The following IL1RAPL1 variants were observed in gnomAD, a reference collection of about 807,000 sequenced individuals.
The protein encoded by IL1RAPL1 is interleukin 1 receptor accessory protein like 1.
IL1RAPL1 carries 3 observed loss-of-function variants against 48.4 expected under a neutral mutation model. The ratio of observed to expected loss-of-function variants is 0.06; its 90% CI spans 0.03 to 0.16. IL1RAPL1 has a LOEUF of 0.16. Ranked by LOEUF, IL1RAPL1 falls within the 10% of genes least tolerant of loss-of-function variation. The pLI, the probability that IL1RAPL1 is intolerant of heterozygous loss-of-function variation, is 1.00. For synonymous variants in IL1RAPL1, 185 were observed against 187.7 expected (o/e 0.99, Z 0.12); for missense variants, 349 against 530.6 (o/e 0.66, Z 3.36).
chrX:29,873,604 A>G (rs764946749), intron 6 of IL1RAPL1, among the ~76,000 whole-genome samples: 2 of 111,616 alleles, frequency 1.8e-5, no homozygotes, highest in Non-Finnish European at 3.8e-5. Context: ...CTGCTGTCAC[A>G]TTAATCTTGG....
chrX:28,889,679 T>G (rs1227445959), intron 2 of IL1RAPL1, among the ~76,000 whole-genome samples: 1 of 111,662 alleles, frequency 9.0e-6, no homozygotes, highest in Non-Finnish European at 1.9e-5. Flanking sequence ...ATAACTTCTT[T>G]AGGGCTTTCG....
At position 29,571,237 on chromosome X, in the gene IL1RAPL1, A is replaced by T. The variant is rs773579357; in HGVS notation, c.704-97193A>T. The stretch of plus-strand genomic sequence containing the variant: ...GACTCCGTCTCAAAATAATAATAAT[A>T]ATAATAATTTGTCTAAACAGAGTTC... On this transcript the variant is annotated intron_variant, in intron 5 of 10. Coordinates refer to ENST00000378993, the MANE Select transcript of IL1RAPL1 (RefSeq NM_014271.4). Among the ~76,000 whole-genome samples the T allele has an allele frequency of 1.2e-4, 13 of 110,748 alleles. No homozygotes were observed. In the East Asian group the frequency reaches 3.7e-3, roughly 32 times the overall value.
intron 6 of IL1RAPL1, among the ~76,000 whole-genome samples, chrX:29,684,017 TA>T (rs1474169264): frequency 8.9e-6 from 1 of 112,136 alleles, no homozygotes; most frequent in Admixed American, 9.5e-5. Flanking sequence ...GGATTGTTTG[TA>T]ACTCAAAGGA....
intron 5 of IL1RAPL1, among the ~76,000 whole-genome samples, chrX:29,603,870 A>T (rs1297719463): frequency 8.9e-6 from 1 of 112,302 alleles, no homozygotes; most frequent in Non-Finnish European, 1.9e-5. Flanking sequence ...TTATTTATTG[A>T]TTTAATATAT....
At chrX:28,747,376 C>G (rs1935991947) in intron 1 of IL1RAPL1, among the ~76,000 whole-genome samples, 1 of 111,772 alleles carries the variant, frequency 8.9e-6, no homozygotes, top group Non-Finnish European at 1.9e-5. Flanking sequence ...TGGCTCTTGC[C>G]TGTAATCCCA....
At chrX:28,682,306 G>T (rs886837730) in intron 1 of IL1RAPL1, among the ~76,000 whole-genome samples, 6 of 109,498 alleles carry the variant, frequency 5.5e-5, no homozygotes, top group African/African-American at 1.7e-4. Context: ...GTTTTTGTTT[G>T]TTTTTTTGTT....
intron 1 of IL1RAPL1, among the ~76,000 whole-genome samples, chrX:28,730,715 G>T (rs183635719): frequency 9.0e-6 from 1 of 111,605 alleles, no homozygotes; most frequent in African/African-American, 3.3e-5. Flanking sequence ...ATTTATAGGT[G>T]CCAGTTCAGA....
At chrX:28,603,732 TAAGC>T (rs958818766) in intron 1 of IL1RAPL1, among the ~76,000 whole-genome samples, 2 of 112,336 alleles carry the variant, frequency 1.8e-5, no homozygotes, top group African/African-American at 6.5e-5. Context: ...TGTCCTGGTC[TAAGC>T]AAGATAATAG....
rs1370929410 is a variant in IL1RAPL1, at chrX:28,598,990, A to G, written c.-25+10943A>G. 2.8e-5 allele frequency among the ~76,000 whole-genome samples: 3 copies of G among 108,564 alleles called. No individual in the cohort carries two copies. The South Asian group carries it at 1.3e-3, about 48-fold the overall frequency. 94.3% of individuals were successfully genotyped at this position (108,564 alleles called of 115,157 possible). Reference sequence around the variant, plus strand: ...CATGGTGGCTCATGCCTGTAACCCCAGCACTTTGGGAGGCCGAGGCAAGGG... The same window carrying G: ...CATGGTGGCTCATGCCTGTAACCCCGGCACTTTGGGAGGCCGAGGCAAGGG... On this transcript the variant is annotated intron_variant, in intron 1 of 10. Transcript: ENST00000378993.
intron 6 of IL1RAPL1, among the ~76,000 whole-genome samples, chrX:29,862,496 G>C: frequency 9.0e-6 from 1 of 111,205 alleles, no homozygotes; most frequent in East Asian, 2.8e-4. Flanking sequence ...AAAAACGTGT[G>C]ATTTACTAGC....
rs753360857 is a variant in IL1RAPL1 at position 28,902,297 on chromosome X, A to G, written c.82+112872A>G. Among the ~76,000 whole-genome samples the G allele has an allele frequency of 5.4e-5, 6 of 110,544 alleles. No individual in the cohort carries two copies. In the Admixed American group the frequency reaches 5.8e-4, roughly 11 times the overall value. On this transcript the variant is annotated intron_variant, in intron 2 of 10. Coordinates refer to ENST00000378993, the MANE Select transcript of IL1RAPL1 (RefSeq NM_014271.4). Reference sequence around the variant, plus strand: ...AGCCATCTTCCTACCTCAGCCTCCCAAGTAGCTGGGACCACAGGTGCATGC... The same window carrying G: ...AGCCATCTTCCTACCTCAGCCTCCCGAGTAGCTGGGACCACAGGTGCATGC...
chrX:29,728,726 G>A (rs192233571), intron 6 of IL1RAPL1, among the ~76,000 whole-genome samples: 3 of 112,121 alleles, frequency 2.7e-5, no homozygotes, highest in Non-Finnish European at 5.6e-5. Flanking sequence ...TAAACATCCC[G>A]GAAATATAGT....
intron 2 of IL1RAPL1, among the ~76,000 whole-genome samples, chrX:29,099,446 A>G (rs1285427636): frequency 8.9e-6 from 1 of 112,115 alleles, no homozygotes; most frequent in Non-Finnish European, 1.9e-5. Context: ...AACACTTTAT[A>G]AAAGTTAACT....
chrX:29,006,694 T>TGTGTGTG (rs759262818), intron 2 of IL1RAPL1, among the ~76,000 whole-genome samples: 8 of 101,947 alleles, frequency 7.8e-5, no homozygotes, highest in African/African-American at 2.2e-4. Context: ...TGTGTGTGTG[T>TGTGTGTG]TATTAAATAT....
chrX:29,096,102 A>C (rs1226218109), intron 2 of IL1RAPL1, among the ~76,000 whole-genome samples: 1 of 111,731 alleles, frequency 9.0e-6, no homozygotes, highest in East Asian at 2.8e-4. Flanking sequence ...CACACGTAAA[A>C]TAGTCAAGTC....
chrX:28,760,464 A>G (rs941427959), intron 1 of IL1RAPL1, among the ~76,000 whole-genome samples: 3 of 112,072 alleles, frequency 2.7e-5, no homozygotes, highest in Non-Finnish European at 5.6e-5. Flanking sequence ...ACTTTATCTT[A>G]GATTAGTGAA....
chrX:28,875,185 G>A (rs947918395), intron 2 of IL1RAPL1, among the ~76,000 whole-genome samples: 1 of 111,848 alleles, frequency 8.9e-6, no homozygotes, highest in African/African-American at 3.2e-5. Context: ...GAGCACATTG[G>A]CTTTATTTAA....
chrX:29,876,322 T>C (rs895808305), intron 6 of IL1RAPL1, among the ~76,000 whole-genome samples: 2 of 111,727 alleles, frequency 1.8e-5, no homozygotes, highest in Non-Finnish European at 3.8e-5. Flanking sequence ...TATCCAGTCA[T>C]GTAAATGAAG....
chrX:29,933,529 C>T (rs1300925771), intron 8 of IL1RAPL1, among the ~76,000 whole-genome samples: 1 of 109,467 alleles, frequency 9.1e-6, no homozygotes, highest in African/African-American at 3.3e-5. Context: ...TAAAACCTAG[C>T]TTTTTATTCA....
Sources: gnomAD v4.1 joint callset for allele counts (sites outside exome capture counted in the v4.1 genomes callset) on GRCh38, gnomAD v4.1.1 for gene constraint, MANE v1.5 for transcripts, NCBI Gene and HGNC (gene_info 2026-07-23, HGNC 2026-07-21) for gene names.